Variants in RGPD3 observed in about 807,000 individuals in gnomAD.
RGPD3 encodes the protein RANBP2 like and GRIP domain containing 3.
Under a neutral mutation model 154.5 loss-of-function variants are expected in RGPD3, and 62 were observed. The observed-to-expected ratio is 0.40, with a 90% CI of 0.33 to 0.50. RGPD3 has a LOEUF of 0.50. Ranked by LOEUF, RGPD3 falls within the 20% of genes least tolerant of loss-of-function variation. The probability of loss-of-function intolerance (pLI) is 0.59; values close to 1 mark genes in which losing one functional copy is unlikely to be tolerated. For missense variants in RGPD3, 919 were observed against 1,716.8 expected (o/e 0.54, Z 8.21); for synonymous variants, 308 against 607.0 (o/e 0.51, Z 7.24).
intron 20 of RGPD3, among the ~76,000 whole-genome samples, chr2:106,418,179 T>C (rs1676871097): frequency 6.9e-6 from 1 of 145,084 alleles, no homozygotes; most frequent in Non-Finnish European, 1.5e-5. Flanking sequence ...TTAACTACGT[T>C]AGTCATTTTA....
chr2:106,405,213 A>G lies in RGPD3; in HGVS notation c.*6T>C. On this transcript the variant is annotated 3_prime_UTR_variant, in exon 23 of 23. Transcript: ENST00000409886. ...AGGATGCCCATCCAGAAGAACGGGA[A>G]GCATTTTATTCCTCACCTTTGGAAA... The G allele has an allele frequency of 6.2e-7, 1 of 1,610,158 alleles. No homozygotes were observed. Among genetic ancestry groups the G allele is most frequent in the East Asian group, 2.2e-5 (1 of 44,808 alleles).
chr2:106,438,628 A>G (rs1677649620), intron 9 of RGPD3, among the ~76,000 whole-genome samples: 2 of 152,058 alleles, frequency 1.3e-5, no homozygotes, highest in Admixed American at 1.3e-4. Context: ...CTAAAACTAC[A>G]AAAAATTAGC....
chr2:106,413,230 G>T lies in RGPD3; in HGVS notation c.5120C>A (p.Ala1707Glu). The change falls in exon 22 of 23, where the codon GCA becomes GAA. Residue 1707 changes from alanine to glutamate, a missense_variant. Ala to Glu is a moderately radical substitution (Grantham distance 107). Transcript: ENST00000409886. ...LERNQEQEVS[A>E]ANVEHLKNVL... The stretch of plus-strand genomic sequence containing the variant: ...GTTCTTCAAGTGTTCCACGTTAGCT[G>T]CAGACACCTCTTGCTCTTGATTCCT... 1 of 1,611,980 alleles carries T rather than the reference G, an allele frequency of 6.2e-7. No individual in the cohort carries two copies. Among genetic ancestry groups the T allele is most frequent in the Non-Finnish European group, 8.5e-7 (1 of 1,179,852 alleles).
chr2:106,415,981 A>C lies in RGPD3; in HGVS notation c.4933T>G (p.Leu1645Val), dbSNP rs1180049623. 1 of 1,611,812 alleles carries C rather than the reference A, an allele frequency of 6.2e-7. No homozygotes were observed. Among genetic ancestry groups the C allele is most frequent in the Non-Finnish European group, 8.5e-7 (1 of 1,179,806 alleles). ...TFKTPEKEPP[L>V]WYAEFTKEEL... ...TCTTTAGTAAATTCAGCATACCATA[A>C]TGGAGGCTCTGCAACATGTTGTTCC... Residue 1645 changes from leucine (L) to valine (V), a missense_variant, in exon 21 of 23, where the codon TTA (leucine) becomes GTA (valine). Physicochemically the swap from Leu to Val is conservative, Grantham distance 32 (BLOSUM62 1). Coordinates refer to ENST00000409886, the MANE Select transcript of RGPD3 (RefSeq NM_001144013.2).
intron 7 of RGPD3, among the ~76,000 whole-genome samples, chr2:106,446,305 G>A (rs1257479038): frequency 2.0e-5 from 3 of 147,854 alleles, no homozygotes; most frequent in Non-Finnish European, 3.0e-5. Flanking sequence ...GGTGGCTCAC[G>A]CCTGTAAATC....
chr2:106,405,261 A>C, intron 22 of RGPD3, 32 bp from the exon 23 acceptor site: 1 of 1,602,292 alleles, frequency 6.2e-7, no homozygotes. Flanking sequence ...AAAAGAAAAA[A>C]GAGAGTATTA....
Position 106,413,102 on chromosome 2 carries a change from G to C in RGPD3, c.5248C>G (p.Leu1750Val), listed in dbSNP as rs529570401. ...TACCCACCTTGAGCAACCGCAGCAA[G>C]TTTTCCCTTTTCTTCAAGGCTGAGC... is the stretch of plus-strand genomic sequence containing the variant. The part of the protein sequence containing the change: ...LQLSLEEKGK[L>V]AAVAQGEE The change falls in exon 22 of 23, where the codon CTT becomes GTT. Residue 1750 changes from leucine (L) to valine (V), a missense_variant. Transcript: ENST00000409886. 142 of 1,610,612 alleles carry C rather than the reference G, an allele frequency of 8.8e-5. No homozygotes were observed. The highest frequency in any genetic ancestry group is 1.2e-4 in the Non-Finnish European group (138 of 1,179,622).
upstream of RGPD3, chr2:106,468,484 G>C (rs570292910): frequency 4.3e-4 from 485 of 1,139,094 alleles, 2 homozygotes; most frequent in East Asian, 0.012. Flanking sequence ...GCACTCGGCT[G>C]GGCTCTTGGC....
intron 22 of RGPD3, among the ~76,000 whole-genome samples, chr2:106,407,334 T>G (rs1043160612): frequency 6.6e-6 from 1 of 152,180 alleles, no homozygotes; most frequent in Admixed American, 6.5e-5. Flanking sequence ...GTTAGCCTAC[T>G]GGCTCTCAAG....
rs1677123689 is a variant in RGPD3 at position 106,424,604 on chromosome 2, C to T, written c.3363G>A (p.Lys1121=). 4.3e-6 allele frequency: 7 copies of T among 1,611,648 alleles called. No homozygotes were observed. The highest frequency in any genetic ancestry group is 4.2e-6 in the Non-Finnish European group (5 of 1,179,830). ...NHWITTTMNL[K]PLSGSDRAWM... The stretch of plus-strand genomic sequence containing the variant: ...ATGCTCTATCTGATCCAGAGAGGGG[C>T]TTCAGGTTCATTGTAGTCGTTATCC... Residue 1121 remains lysine (K), a synonymous_variant, in exon 20 of 23, where the codon AAG becomes AAA. Coordinates refer to ENST00000409886, the MANE Select transcript of RGPD3 (RefSeq NM_001144013.2).
chr2:106,462,562 G>T (rs1008903706), intron 1 of RGPD3, among the ~76,000 whole-genome samples: 1 of 151,822 alleles, frequency 6.6e-6, no homozygotes, highest in African/African-American at 2.4e-5. Context: ...CTGAAAACAG[G>T]AACAGTAAGA....
Position 106,468,303 on chromosome 2 carries a change from G to C in RGPD3, c.-15C>G. 6.2e-7 allele frequency: 1 copy of C among 1,600,852 alleles called. No homozygotes were observed. ...CTGCAACTCATCGCGCCACCAACCT[G>C]GCTCCCGAGATGCGTGAGACCAGCG... is the stretch of plus-strand genomic sequence containing the variant. On this transcript the variant is annotated 5_prime_UTR_variant, in exon 1 of 23. Coordinates refer to ENST00000409886, the MANE Select transcript of RGPD3 (RefSeq NM_001144013.2).
intron 1 of RGPD3, among the ~76,000 whole-genome samples, chr2:106,463,333 G>A (rs1388731642): frequency 1.3e-5 from 2 of 152,256 alleles, no homozygotes; most frequent in African/African-American, 4.8e-5. Flanking sequence ...AAAATTAGCC[G>A]GGCATGGTGG....
chr2:106,413,904 C>T (rs998442912), intron 21 of RGPD3, among the ~76,000 whole-genome samples: 2 of 152,224 alleles, frequency 1.3e-5, no homozygotes, highest in East Asian at 1.9e-4. Flanking sequence ...CCAAGATGTT[C>T]CCTCTGCCTT....
At chr2:106,418,436 T>G (rs1455500603) in intron 20 of RGPD3, among the ~76,000 whole-genome samples, 1 of 151,898 alleles carries the variant, frequency 6.6e-6, no homozygotes, top group Non-Finnish European at 1.5e-5. Flanking sequence ...CCCTTATACC[T>G]TTACCTCTGC....
chr2:106,450,185 C>T (rs1365473502), intron 6 of RGPD3, among the ~76,000 whole-genome samples: 1 of 125,410 alleles, frequency 8.0e-6, no homozygotes, highest in African/African-American at 2.9e-5. Flanking sequence ...CGAGACCATC[C>T]TGGCTAAGAA....
intron 22 of RGPD3, among the ~76,000 whole-genome samples, chr2:106,407,739 TTAGA>T (rs1469136191): frequency 2.0e-5 from 3 of 152,210 alleles, no homozygotes; most frequent in Non-Finnish European, 4.4e-5. Flanking sequence ...AAAGCTGTGC[TTAGA>T]TAGGGTGCAT....
At chr2:106,406,825 T>A (rs1676530012) in intron 22 of RGPD3, among the ~76,000 whole-genome samples, 1 of 152,222 alleles carries the variant, frequency 6.6e-6, no homozygotes, top group Non-Finnish European at 1.5e-5. Context: ...CGTATATATG[T>A]ATGACAGTTT....
intron 1 of RGPD3, among the ~76,000 whole-genome samples, chr2:106,466,895 G>C (rs1446068309): frequency 9.9e-6 from 1 of 101,316 alleles, no homozygotes; most frequent in African/African-American, 3.5e-5. Flanking sequence ...GGGCCGGGTC[G>C]AGGCCGCCGC....
Sources: allele counts gnomAD v4.1 joint callset (sites outside exome capture counted in the v4.1 genomes callset), GRCh38; gene constraint gnomAD v4.1.1; transcripts MANE v1.5; gene names NCBI Gene and HGNC (gene_info 2026-07-23, HGNC 2026-07-21).